The following ACYP2 variants were observed in gnomAD, a reference collection of about 807,000 sequenced individuals.
ACYP2 encodes acylphosphatase 2, also known as acylphosphatase-2.
A neutral mutation model predicts 11.2 loss-of-function variants in ACYP2; 12 were observed. That is an observed-to-expected ratio of 1.08 (90% confidence interval 0.69 to 1.74). ACYP2 has a LOEUF of 1.74. ACYP2 is among the 40% of genes most tolerant of loss of function. ACYP2 has a pLI of 0.00. For missense variants in ACYP2, 134 were observed against 101.9 expected, an observed-to-expected ratio of 1.31 and a Z score of -1.35; for synonymous variants, 43 against 32.2, an observed-to-expected ratio of 1.33 and a Z score of -1.13.
intron 2 of ACYP2, among the ~76,000 whole-genome samples, chr2:54,033,381 G>GC: frequency 7.0e-6 from 1 of 142,852 alleles, no homozygotes; most frequent in African/African-American, 2.6e-5. Flanking sequence ...TGTGTGTTTT[G>GC]TTTTTTTTTT....
In ACYP2 at chr2:54,085,843, A is replaced by T. The variant is rs1572717653; in HGVS notation, c.277+28483A>T. On this transcript the variant is annotated intron_variant, in intron 4 of 6. Transcript: ENST00000607452. ...TCTTTCAACTTTTTTGAAGGCTTGA[A>T]GTTTTTCAAAATAAAATGTTGGGAA... 2.6e-5 allele frequency among the ~76,000 whole-genome samples: 4 copies of T among 152,240 alleles called. No individual in the cohort carries two copies. In the South Asian group the frequency reaches 8.3e-4, roughly 32 times the overall value.
intron 6 of ACYP2, among the ~76,000 whole-genome samples, chr2:54,265,279 C>T (rs1056206099): frequency 2.6e-5 from 4 of 152,132 alleles, no homozygotes; most frequent in African/African-American, 7.2e-5. Flanking sequence ...TCACATCTTA[C>T]ATGGATGGCA....
chr2:54,090,946 T>G lies in ACYP2; in HGVS notation c.277+33586T>G, dbSNP rs141139886. On this transcript the variant is annotated intron_variant, in intron 4 of 6. Transcript: ENST00000607452. ...ATGTTGGTGCTTTGAGGGTAGGAATTCTACACTAGACATCTTTGTTTCCAT... is the reference window on the plus strand; with the variant it reads ...ATGTTGGTGCTTTGAGGGTAGGAATGCTACACTAGACATCTTTGTTTCCAT... Among the ~76,000 whole-genome samples the G allele has an allele frequency of 1.4e-3, 216 of 152,330 alleles. 2 individuals are homozygous for G. Among genetic ancestry groups the G allele is most frequent in the African/African-American group, 4.6e-3 (193 of 41,568 alleles).
intron 2 of ACYP2, among the ~76,000 whole-genome samples, chr2:54,020,878 C>T (rs919709595): frequency 6.6e-6 from 1 of 152,096 alleles, no homozygotes; most frequent in African/African-American, 2.4e-5. Context: ...TACCAAAGGT[C>T]ATTTGTGTTA....
At chr2:54,243,333 C>T (rs1201336818) in intron 6 of ACYP2, among the ~76,000 whole-genome samples, 2 of 152,006 alleles carry the variant, frequency 1.3e-5, no homozygotes, top group African/African-American at 4.8e-5. Flanking sequence ...ATTTTACAGA[C>T]CTATATGGCA....
Position 54,091,489 on chromosome 2 carries a change from TTTTATTTA to T in ACYP2, c.277+34164_277+34171del, listed in dbSNP as rs58827967. ...CTTAGAGCACATCTCACTCTCTTGA[TTTTATTTA>T]TTTATTTATTTATTTATTTATTTAT... On this transcript the variant is annotated intron_variant, in intron 4 of 6. Transcript: ENST00000607452. Among the ~76,000 whole-genome samples the T allele has an allele frequency of 5.4e-3, 782 of 143,730 alleles. 2 individuals are homozygous for T. Among genetic ancestry groups the T allele is most frequent in the African/African-American group, 0.013 (504 of 38,432 alleles). The allele number at this position is 143,730 out of a possible 152,430, so 94.3% of individuals were successfully genotyped here. A position where few individuals can be genotyped will look rare whatever the true frequency, so the allele number is the denominator to read the frequency against.
At chr2:54,046,336 G>A (rs1372799976) in intron 2 of ACYP2, among the ~76,000 whole-genome samples, 2 of 151,882 alleles carry the variant, frequency 1.3e-5, no homozygotes, top group African/African-American at 2.4e-5. Flanking sequence ...AAAATTAGCT[G>A]GGTGTGATGG....
chr2:54,103,125 A>C (rs994568735), intron 4 of ACYP2, among the ~76,000 whole-genome samples: 1 of 152,178 alleles, frequency 6.6e-6, no homozygotes, highest in Admixed American at 6.5e-5. Flanking sequence ...AGACAAAAAA[A>C]GAGTGGATAC....
chr2:54,165,529 T>TCACACACA (rs1266993483), intron 6 of ACYP2, among the ~76,000 whole-genome samples: 19 of 143,190 alleles, frequency 1.3e-4, no homozygotes, highest in East Asian at 6.1e-4. Flanking sequence ...TCTCTCTCTC[T>TCACACACA]CTCTCTCACA....
chr2:54,123,574 C>T (rs1356059740), intron 4 of ACYP2, among the ~76,000 whole-genome samples: 1 of 152,068 alleles, frequency 6.6e-6, no homozygotes, highest in African/African-American at 2.4e-5. Flanking sequence ...ATTTCCATCA[C>T]CCCTCCTTCC....
chr2:54,077,356 T>C (rs1168074316), intron 4 of ACYP2, among the ~76,000 whole-genome samples: 1 of 151,876 alleles, frequency 6.6e-6, no homozygotes, highest in Non-Finnish European at 1.5e-5. Flanking sequence ...AAGGGCAAAC[T>C]TGTTGTTGTT....
chr2:54,126,818 T>A (rs1259587989), intron 4 of ACYP2, among the ~76,000 whole-genome samples: 1 of 151,748 alleles, frequency 6.6e-6, no homozygotes, highest in East Asian at 1.9e-4. Flanking sequence ...GGTGTGGTGG[T>A]GTGCATGTGC....
At chr2:53,973,388 A>G (rs1012527945) in intron 1 of ACYP2, among the ~76,000 whole-genome samples, 2 of 152,214 alleles carry the variant, frequency 1.3e-5, no homozygotes, top group East Asian at 1.9e-4. Context: ...AGTGACCTGC[A>G]TGTATACATC....
chr2:54,215,997 A>G (rs1685544231), intron 6 of ACYP2, among the ~76,000 whole-genome samples: 1 of 152,218 alleles, frequency 6.6e-6, no homozygotes, highest in South Asian at 2.1e-4. Context: ...CCCTGATACA[A>G]ATATTTTTAA....
chr2:54,058,312 A>AAC (rs1449894140), intron 4 of ACYP2, among the ~76,000 whole-genome samples: 9 of 150,826 alleles, frequency 6.0e-5, no homozygotes, highest in Non-Finnish European at 1.3e-4. Flanking sequence ...CTTATATTAA[A>AAC]AAAAAAAAAA....
intron 2 of ACYP2, among the ~76,000 whole-genome samples, chr2:54,043,643 A>T (rs1675361179): frequency 6.6e-6 from 1 of 152,250 alleles, no homozygotes; most frequent in South Asian, 2.1e-4. Context: ...TATGAATTTC[A>T]TTTAAAATCA....
At chr2:54,220,688 C>A (rs1477304172) in intron 6 of ACYP2, among the ~76,000 whole-genome samples, 2 of 152,098 alleles carry the variant, frequency 1.3e-5, no homozygotes, top group East Asian at 3.9e-4. Context: ...GATATAATTT[C>A]CTACATAATT....
intron 6 of ACYP2, among the ~76,000 whole-genome samples, chr2:54,241,650 A>C (rs903347201): frequency 6.6e-6 from 1 of 152,224 alleles, no homozygotes; most frequent in Non-Finnish European, 1.5e-5. Context: ...AAAGTTTTGC[A>C]AGGGATAAAC....
intron 4 of ACYP2, among the ~76,000 whole-genome samples, chr2:54,081,648 G>T (rs540400846): frequency 6.6e-6 from 1 of 152,150 alleles, no homozygotes. Context: ...CAACGTTAAG[G>T]CTATTCACAA....
Sources: allele counts gnomAD v4.1 joint callset (sites outside exome capture counted in the v4.1 genomes callset), GRCh38; gene constraint gnomAD v4.1.1; transcripts MANE v1.5; gene names NCBI Gene and HGNC (gene_info 2026-07-23, HGNC 2026-07-21).